PCDHA9: variants seen among roughly 807,000 people sequenced by gnomAD.
PCDHA9 encodes protocadherin alpha-9.
In PCDHA9, 62 loss-of-function variants were observed where a neutral mutation model predicts 62.0. The ratio of observed to expected loss-of-function variants is 1.00; its 90% CI spans 0.81 to 1.23. PCDHA9 has a LOEUF of 1.23. PCDHA9 is among the 50% of genes most tolerant of loss of function. The probability of loss-of-function intolerance (pLI) is 0.00; values close to 1 mark genes in which losing one functional copy is unlikely to be tolerated. For synonymous variants in PCDHA9, 557 were observed against 567.6 expected, an observed-to-expected ratio of 0.98 and a Z score of 0.27; for missense variants, 1,205 against 1,249.8, an observed-to-expected ratio of 0.96 and a Z score of 0.54.
rs187034758 is a variant in PCDHA9 at position 140,897,376 on chromosome 5, C to G, written c.2394+46487C>G. 8.0e-3 allele frequency among the ~76,000 whole-genome samples: 1,079 copies of G among 134,538 alleles called. 8 individuals are homozygous for G. Among genetic ancestry groups the G allele is most frequent in the Non-Finnish European group, 0.013 (863 of 65,384 alleles). 88.3% of individuals were successfully genotyped at this position (134,538 alleles called of 152,430 possible). A position where few individuals can be genotyped will look rare whatever the true frequency, so the allele number is the denominator to read the frequency against. ...TGTCCCCAGAGTGTGATGTTCCCTT[C>G]CCCTTCCTGTGTCCATGTGTTCTCA... On this transcript the variant is annotated intron_variant, in intron 1 of 3. Coordinates refer to ENST00000532602, the MANE Select transcript of PCDHA9 (RefSeq NM_031857.2).
chr5:140,870,658 C>G, intron 1 of PCDHA9: 3 of 1,612,534 alleles, frequency 1.9e-6, no homozygotes, highest in Non-Finnish European at 2.5e-6. Context: ...GGTGTACGCG[C>G]TGCAGCCGTT....
At chr5:141,005,826 A>T (rs1283643370) in intron 3 of PCDHA9, among the ~76,000 whole-genome samples, 4 of 151,340 alleles carry the variant, frequency 2.6e-5, no homozygotes, top group Admixed American at 6.6e-5. Flanking sequence ...GGTGGCCTGT[A>T]GTCCCAGCCA....
At chr5:140,851,758 C>A (rs1554145527) in intron 1 of PCDHA9, 1 of 969,910 alleles carries the variant, frequency 1.0e-6, no homozygotes, top group Non-Finnish European at 1.2e-6. Flanking sequence ...TAACTTAAAA[C>A]ATTACCCTTA....
chr5:140,863,356 CGGT>C, intron 1 of PCDHA9: 1 of 1,255,142 alleles, frequency 8.0e-7, no homozygotes, highest in Non-Finnish European at 1.1e-6. Flanking sequence ...CACGACGCTG[CGGT>C]GCTTGGCGCA....
chr5:140,867,218 C>T (rs1306358108), intron 1 of PCDHA9: 1 of 152,104 alleles, frequency 6.6e-6, no homozygotes, highest in Non-Finnish European at 1.5e-5. Context: ...TCTTCATCCC[C>T]AATTCCCATA....
intron 1 of PCDHA9, among the ~76,000 whole-genome samples, chr5:140,952,560 C>T (rs536018099): frequency 5.2e-4 from 79 of 152,304 alleles, no homozygotes; most frequent in Non-Finnish European, 1.0e-3. Context: ...TCACTATCAG[C>T]ACTTCGGTCC....
At chr5:140,928,800 A>G (rs782641676) in intron 1 of PCDHA9, 6 of 1,614,098 alleles carry the variant, frequency 3.7e-6, no homozygotes, top group Non-Finnish European at 4.2e-6. Flanking sequence ...GGGTGGTGGT[A>G]GTGGTTCGGG....
intron 1 of PCDHA9, chr5:140,966,135 T>A (rs1456572936): frequency 1.2e-5 from 2 of 162,166 alleles, no homozygotes; most frequent in African/African-American, 4.8e-5. Context: ...CCCCTCAGTT[T>A]ATTTTCCTGA....
At chr5:140,941,644 C>T (rs1157047813) in intron 1 of PCDHA9, among the ~76,000 whole-genome samples, 2 of 152,034 alleles carry the variant, frequency 1.3e-5, no homozygotes, top group African/African-American at 4.8e-5. Flanking sequence ...TGTCTTCCTA[C>T]AACTTATGTC....
rs114294981 is a variant in PCDHA9, at chr5:140,997,261, C to T, written c.2543-12366C>T. On this transcript the variant is annotated intron_variant, in intron 3 of 3. Transcript: ENST00000532602. ...CATGTTTACTTTAGGGTTCACTCTT[C>T]CAAATATTTCTTGCATCACTTAACA... Among the ~76,000 whole-genome samples, 265 of 152,266 alleles carry T rather than the reference C, an allele frequency of 1.7e-3. 1 individual carries two copies. The highest frequency in any genetic ancestry group is 6.2e-3 in the African/African-American group (257 of 41,540).
At chr5:140,895,253 CT>C (rs1411327383) in intron 1 of PCDHA9, among the ~76,000 whole-genome samples, 2 of 151,968 alleles carry the variant, frequency 1.3e-5, no homozygotes, top group Non-Finnish European at 2.9e-5. Context: ...TCAAAGCTTT[CT>C]TTTTTTTCTT....
At chr5:140,922,427 G>A (rs1407931624) in intron 1 of PCDHA9, among the ~76,000 whole-genome samples, 2 of 152,212 alleles carry the variant, frequency 1.3e-5, no homozygotes, top group Middle Eastern at 3.4e-3. Context: ...AGAGGCTGAG[G>A]GCAGAACTCT....
intron 1 of PCDHA9, chr5:140,967,401 G>C: frequency 6.2e-7 from 1 of 1,611,944 alleles, no homozygotes; most frequent in Non-Finnish European, 8.5e-7. Context: ...CTGGTGCTGC[G>C]TAAGGGCCTA....
intron 1 of PCDHA9, chr5:140,877,626 C>T: frequency 6.2e-7 from 1 of 1,613,828 alleles, no homozygotes; most frequent in African/African-American, 1.3e-5. Context: ...TGCTGCTGTA[C>T]ACTGCGCTGC....
At chr5:140,943,267 AAAAAAAAAAAG>A in intron 1 of PCDHA9, among the ~76,000 whole-genome samples, 2 of 150,426 alleles carry the variant, frequency 1.3e-5, no homozygotes, top group South Asian at 2.1e-4. Context: ...CAAAAAAAAA[AAAAAAAAAAAG>A]AAAGAAAGAA....
chr5:141,002,099 GC>G (rs1399073427), intron 3 of PCDHA9, among the ~76,000 whole-genome samples: 9 of 152,362 alleles, frequency 5.9e-5, no homozygotes, highest in Non-Finnish European at 1.2e-4. Flanking sequence ...CAGGGGCTGG[GC>G]CGGAAACGGC....
chr5:141,000,103 G>T (rs551643743), intron 3 of PCDHA9, among the ~76,000 whole-genome samples: 2 of 152,068 alleles, frequency 1.3e-5, no homozygotes, highest in Non-Finnish European at 2.9e-5. Flanking sequence ...GCTCAACTCC[G>T]TCTCTTCCCT....
chr5:140,873,624 A>G lies in PCDHA9; in HGVS notation c.2394+22735A>G, dbSNP rs562277902. On this transcript the variant is annotated intron_variant, in intron 1 of 3. Transcript: ENST00000532602. The stretch of plus-strand genomic sequence containing the variant: ...TTCCTATTGGCTTAACAATTTGTTT[A>G]GGTCAAAGAGTATGTGAGAACTACA... Among the ~76,000 whole-genome samples the G allele has an allele frequency of 2.6e-5, 4 of 152,192 alleles. No homozygotes were observed. In the South Asian group the frequency reaches 8.3e-4, roughly 32 times the overall value.
chr5:140,987,513 A>C (rs1324114239), intron 3 of PCDHA9, among the ~76,000 whole-genome samples: 3 of 152,168 alleles, frequency 2.0e-5, no homozygotes, highest in Non-Finnish European at 4.4e-5. Flanking sequence ...TCTGCCACTC[A>C]GTAATTGTAT....
Sources: allele counts gnomAD v4.1 joint callset (sites outside exome capture counted in the v4.1 genomes callset), GRCh38; gene constraint gnomAD v4.1.1; transcripts MANE v1.5; gene names NCBI Gene and HGNC (gene_info 2026-07-23, HGNC 2026-07-21).